NAV3: variants seen among roughly 807,000 people sequenced by gnomAD.
NAV3 encodes the protein neuron navigator 3, also known as pore membrane and/or filament interacting like protein 1.
Under a neutral mutation model 244.7 loss-of-function variants are expected in NAV3, and 87 were observed. That is an observed-to-expected ratio of 0.36 (90% CI 0.30 to 0.42). The LOEUF (loss-of-function observed/expected upper bound fraction) is 0.42. Among genes scored for constraint, NAV3 ranks in the 20% least tolerant of loss-of-function variants. The pLI, the probability that NAV3 is intolerant of heterozygous loss-of-function variation, is 1.00. For synonymous variants in NAV3, 1,126 were observed against 1,042.2 expected (o/e 1.08, Z -1.55); for missense variants, 2,663 against 2,893.3 (o/e 0.92, Z 1.83).
intron 34 of NAV3, among the ~76,000 whole-genome samples, chr12:78,190,842 A>G (rs546047844): frequency 2.6e-5 from 4 of 152,254 alleles, no homozygotes; most frequent in Middle Eastern, 3.4e-3. Flanking sequence ...GAGGGCCTAT[A>G]CGGCGTAGCC....
At chr12:77,667,477 T>C (rs1325395130) in intron 2 of NAV3, among the ~76,000 whole-genome samples, 1 of 152,056 alleles carries the variant, frequency 6.6e-6, no homozygotes, top group East Asian at 1.9e-4. Flanking sequence ...CTGTGACTTG[T>C]GGCTTCCCCC....
chr12:77,705,023 G>A (rs902334954), intron 2 of NAV3, among the ~76,000 whole-genome samples: 1 of 152,202 alleles, frequency 6.6e-6, no homozygotes, highest in Non-Finnish European at 1.5e-5. Context: ...AGAGAAGCAG[G>A]ATGGAGTAGT....
chr12:77,598,582 G>T (rs1158634821), intron 2 of NAV3, among the ~76,000 whole-genome samples: 3 of 151,864 alleles, frequency 2.0e-5, no homozygotes, highest in Non-Finnish European at 4.4e-5. Flanking sequence ...CTTTATTGAA[G>T]TATAATTGAT....
chr12:78,017,406 C>A (rs1047397888), intron 8 of NAV3, among the ~76,000 whole-genome samples: 3 of 151,954 alleles, frequency 2.0e-5, no homozygotes, highest in African/African-American at 7.3e-5. Flanking sequence ...GCGCTCCAGC[C>A]GGGGTGACAG....
intron 9 of NAV3, among the ~76,000 whole-genome samples, chr12:78,041,920 T>C (rs553505494): frequency 1.3e-5 from 2 of 152,040 alleles, no homozygotes; most frequent in Non-Finnish European, 2.9e-5. Context: ...ACATGCTATT[T>C]TTTGCTTTTC....
intron 2 of NAV3, among the ~76,000 whole-genome samples, chr12:77,741,170 AAGAAAG>A (rs1868328281): frequency 8.8e-5 from 13 of 147,574 alleles, no homozygotes; most frequent in African/African-American, 3.3e-4. Flanking sequence ...AAAAAAAGAA[AAGAAAG>A]AAAAAGAAAA....
At chr12:77,650,054 T>G (rs1047571794) in intron 2 of NAV3, among the ~76,000 whole-genome samples, 11 of 152,192 alleles carry the variant, frequency 7.2e-5, no homozygotes, top group Admixed American at 7.2e-4. Flanking sequence ...CTTCCCTAGA[T>G]TTGACCCATG....
At chr12:77,884,021 C>A (rs1483953331) in intron 1 of NAV3, among the ~76,000 whole-genome samples, 1 of 152,126 alleles carries the variant, frequency 6.6e-6, no homozygotes, top group Non-Finnish European at 1.5e-5. Flanking sequence ...TGAGGTATAG[C>A]ACCCAACTAT....
chr12:77,759,866 G>A (rs1264971170), intron 2 of NAV3, among the ~76,000 whole-genome samples: 2 of 152,036 alleles, frequency 1.3e-5, no homozygotes, highest in East Asian at 1.9e-4. Flanking sequence ...CTGTTTTCTG[G>A]ATTCTGAAGA....
At chr12:77,695,024 G>A (rs751865779) in intron 2 of NAV3, among the ~76,000 whole-genome samples, 1 of 152,160 alleles carries the variant, frequency 6.6e-6, no homozygotes, top group African/African-American at 2.4e-5. Flanking sequence ...GTACATAAGT[G>A]CCAGAAGCTG....
intron 34 of NAV3, among the ~76,000 whole-genome samples, chr12:78,190,828 G>T (rs1448751): frequency 0.54 from 82,652 of 151,884 alleles, 22,886 homozygotes; most frequent in East Asian, 0.82. Context: ...TATTAAAAAG[G>T]CATGAGGGCC....
intron 2 of NAV3, among the ~76,000 whole-genome samples, chr12:77,667,601 C>A (rs1404775528): frequency 6.6e-6 from 1 of 152,078 alleles, no homozygotes; most frequent in Non-Finnish European, 1.5e-5. Flanking sequence ...ACACGGCAAG[C>A]CTCACCCAGG....
intron 12 of NAV3, among the ~76,000 whole-genome samples, chr12:78,078,375 C>CTTTTTTTTTTTTTTT (rs71088356): frequency 1.5e-5 from 1 of 67,808 alleles, no homozygotes; most frequent in Non-Finnish European, 2.7e-5. Context: ...TCTTTCCACT[C>CTTTTTTTTTTTTTTT]TTTTTTTTTT....
Position 77,765,429 on chromosome 12 carries a change from A to C in NAV3, c.73-174890A>C, listed in dbSNP as rs11106616. ...GAGGTGCCTTTGAAGCACACATGCT[A>C]CTGGAAGAGAAGTCCGTTACAAAAG... On this transcript the variant is annotated intron_variant, in intron 2 of 8. Transcript: ENST00000550042. Among the ~76,000 whole-genome samples, 1,255 of 152,352 alleles carry C rather than the reference A, an allele frequency of 8.2e-3. 20 individuals are homozygous for C. Among genetic ancestry groups the C allele is most frequent in the African/African-American group, 0.027 (1,134 of 41,578 alleles).
chr12:78,196,666 T>A (rs1959179375), intron 34 of NAV3, among the ~76,000 whole-genome samples: 1 of 151,980 alleles, frequency 6.6e-6, no homozygotes, highest in African/African-American at 2.4e-5. Flanking sequence ...TGTCTTTGTT[T>A]AAAATTACAG....
chr12:77,860,460 T>A (rs1879099477), intron 1 of NAV3, among the ~76,000 whole-genome samples: 1 of 151,594 alleles, frequency 6.6e-6, no homozygotes, highest in Non-Finnish European at 1.5e-5. Context: ...CTTTTTATAA[T>A]GTATATTATT....
In NAV3 at chr12:78,127,114, A is replaced by C. The variant is rs1429430101; in HGVS notation, c.4239-53A>C. 4 of 1,581,876 alleles carry C rather than the reference A, an allele frequency of 2.5e-6. No individual in the cohort carries two copies. In the East Asian group the frequency reaches 9.0e-5, roughly 35 times the overall value. ...GAGAACCATTTTTGTTGGATGTGTAATTTGGAAGTTTTGTTTACATTATGT... is the reference window on the plus strand; with the variant it reads ...GAGAACCATTTTTGTTGGATGTGTACTTTGGAAGTTTTGTTTACATTATGT... On this transcript the variant is annotated intron_variant, in intron 16 of 39. Transcript: ENST00000397909.
At chr12:77,634,673 A>G (rs1232865676) in intron 2 of NAV3, among the ~76,000 whole-genome samples, 1 of 152,152 alleles carries the variant, frequency 6.6e-6, no homozygotes, top group Non-Finnish European at 1.5e-5. Context: ...CCTTAAAAAT[A>G]TATCTGTGCA....
chr12:77,986,303 A>C (rs1402805116), intron 5 of NAV3, among the ~76,000 whole-genome samples: 3 of 152,240 alleles, frequency 2.0e-5, no homozygotes, highest in African/African-American at 7.2e-5. Flanking sequence ...TGGAGGTTGC[A>C]GTGAGCCGAG....
Sources: allele counts gnomAD v4.1 joint callset (sites outside exome capture counted in the v4.1 genomes callset), GRCh38; gene constraint gnomAD v4.1.1; transcripts MANE v1.5; gene names NCBI Gene and HGNC (gene_info 2026-07-23, HGNC 2026-07-21).